The following MGST1 variants were observed in gnomAD, a reference collection of about 807,000 sequenced individuals.
The protein encoded by MGST1 is microsomal glutathione S-transferase 1, also known as glutathione S-transferase 12.
In MGST1, 5 loss-of-function variants were observed where a neutral mutation model predicts 8.9. That is an observed-to-expected ratio of 0.56 (90% CI 0.29 to 1.19). The LOEUF (loss-of-function observed/expected upper bound fraction) is 1.19. MGST1 is among the 50% of genes most tolerant of loss of function. The pLI is 0.08. For synonymous variants in MGST1, 54 were observed against 67.8 expected (o/e 0.80, Z 1.00); for missense variants, 182 against 187.4 (o/e 0.97, Z 0.17).
At position 16,544,031 on chromosome 12, in the gene MGST1, T is replaced by C. The variant is rs1420348064; in HGVS notation, n.483-45497T>C. On this transcript the variant is annotated intron_variant and non_coding_transcript_variant, in intron 4 of 4. Transcript: ENST00000538857. The surrounding 1 kb of genome is among the most constrained non-coding windows in gnomAD (Gnocchi z 4.8). The stretch of plus-strand genomic sequence containing the variant: ...TCCTAAGTGTAAGCAGGTGATTTCT[T>C]ATACTGCTGCTTTATACACATTTGT... Among the ~76,000 whole-genome samples, 1 of 152,138 alleles carries C rather than the reference T, an allele frequency of 6.6e-6. No homozygotes were observed. The highest frequency in any genetic ancestry group is 1.5e-5 in the Non-Finnish European group (1 of 67,990).
chr12:16,450,016 C>G (rs1020683548), intron 4 of MGST1, among the ~76,000 whole-genome samples: 1 of 151,836 alleles, frequency 6.6e-6, no homozygotes, highest in Non-Finnish European at 1.5e-5. Context: ...TCAAGAGTTC[C>G]CTGAGTAAAG....
chr12:16,474,401 A>G (rs1221610654), intron 4 of MGST1, among the ~76,000 whole-genome samples: 1 of 152,246 alleles, frequency 6.6e-6, no homozygotes. Context: ...CTAAAAAATT[A>G]GAGCAACATA....
intron 4 of MGST1, chr12:16,550,764 A>AAGTT (rs1286038398): frequency 2.0e-5 from 3 of 153,426 alleles, no homozygotes; most frequent in African/African-American, 7.2e-5. Context: ...CTTTACTAGA[A>AAGTT]AGTTACAGCT....
downstream of MGST1, chr12:16,364,515 C>A (rs946241819): frequency 1.1e-4 from 53 of 485,588 alleles, no homozygotes; most frequent in African/African-American, 1.1e-3. The surrounding 1 kb of genome is among the most constrained non-coding windows in gnomAD (Gnocchi z 5.7). Context: ...TGCTTAGAAT[C>A]GCCAGTTGTT....
chr12:16,377,824 T>G (rs1591711534), downstream of MGST1, among the ~76,000 whole-genome samples: 3 of 150,666 alleles, frequency 2.0e-5, no homozygotes, highest in African/African-American at 4.9e-5. Flanking sequence ...CCTGACTTTC[T>G]AATGATCGCC....
downstream of MGST1, among the ~76,000 whole-genome samples, chr12:16,440,869 A>C (rs1273053984): frequency 2.0e-5 from 3 of 151,876 alleles, no homozygotes; most frequent in Admixed American, 2.0e-4. Flanking sequence ...TCTCCAGATC[A>C]TTGCCAAAAA....
At chr12:16,436,270 C>T (rs1278865305) in intron 1 of MGST1, among the ~76,000 whole-genome samples, 3 of 151,882 alleles carry the variant, frequency 2.0e-5, no homozygotes, top group Admixed American at 1.3e-4. Context: ...AGGTACTGTG[C>T]GTGATAAAAC....
chr12:16,572,389 TTTAA>T (rs768104594), intron 4 of MGST1, among the ~76,000 whole-genome samples: 18 of 138,420 alleles, frequency 1.3e-4, no homozygotes, highest in East Asian at 8.6e-4. Context: ...CAGTGCTGAC[TTTAA>T]TTAACGATTT....
chr12:16,452,599 G>T (rs935500405), intron 4 of MGST1, among the ~76,000 whole-genome samples: 1 of 151,794 alleles, frequency 6.6e-6, no homozygotes, highest in Non-Finnish European at 1.5e-5. Flanking sequence ...CAAGTACTGT[G>T]TTAAGTATCT....
chr12:16,501,248 T>A (rs1941504835), intron 4 of MGST1, among the ~76,000 whole-genome samples: 1 of 152,216 alleles, frequency 6.6e-6, no homozygotes, highest in Non-Finnish European at 1.5e-5. Context: ...GGAGTAGGTT[T>A]CTAAAGCACT....
intron 4 of MGST1, among the ~76,000 whole-genome samples, chr12:16,487,533 T>C (rs1326450902): frequency 6.6e-6 from 1 of 152,006 alleles, no homozygotes; most frequent in South Asian, 2.1e-4. Flanking sequence ...TAAAGAAATA[T>C]GGAGGGAGAT....
intron 1 of MGST1, among the ~76,000 whole-genome samples, chr12:16,394,596 C>A: frequency 7.6e-6 from 1 of 130,786 alleles, no homozygotes; most frequent in Non-Finnish European, 1.7e-5. Context: ...TCTCTTTTTT[C>A]TTTTCTTTTC....
At chr12:16,402,501 C>A in intron 1 of MGST1, 2 of 1,228,214 alleles carry the variant, frequency 1.6e-6, no homozygotes, top group Non-Finnish European at 2.4e-6. Flanking sequence ...CCCAGGAATC[C>A]CGCACTCTTA....
chr12:16,396,356 T>C (rs1214222728), intron 1 of MGST1, among the ~76,000 whole-genome samples: 1 of 152,192 alleles, frequency 6.6e-6, no homozygotes, highest in Non-Finnish European at 1.5e-5. Flanking sequence ...GTTGAAAGCA[T>C]TCCCTCTGAG....
At chr12:16,382,153 C>G (rs1940462496), downstream of MGST1, among the ~76,000 whole-genome samples, 1 of 152,342 alleles carries the variant, frequency 6.6e-6, no homozygotes. Flanking sequence ...AAGTCATTCT[C>G]TGTCCCGCTT....
intron 4 of MGST1, among the ~76,000 whole-genome samples, chr12:16,444,578 A>G (rs1015859918): frequency 5.9e-5 from 9 of 151,910 alleles, no homozygotes; most frequent in Non-Finnish European, 8.8e-5. Flanking sequence ...ATCCTCACAT[A>G]CAAAGTCAGT....
intron 4 of MGST1, among the ~76,000 whole-genome samples, chr12:16,449,531 T>G (rs895894608): frequency 6.6e-6 from 1 of 151,906 alleles, no homozygotes; most frequent in Non-Finnish European, 1.5e-5. Context: ...TGTTTCATAG[T>G]TAGTGAAAGG....
At chr12:16,460,387 G>A (rs1244203840) in intron 4 of MGST1, among the ~76,000 whole-genome samples, 1 of 152,074 alleles carries the variant, frequency 6.6e-6, no homozygotes, top group Non-Finnish European at 1.5e-5. Context: ...GTTCACGGAA[G>A]GCCAAGGTGA....
downstream of MGST1, among the ~76,000 whole-genome samples, chr12:16,589,761 G>A (rs1190226775): frequency 6.6e-6 from 1 of 152,012 alleles, no homozygotes; most frequent in Non-Finnish European, 1.5e-5. This position sits in a 1 kb window ranked among gnomAD's most constrained non-coding sequence, Gnocchi z 4.2. Context: ...AAGTGATTAG[G>A]AATATAGGTT....
Sources: gnomAD v4.1 joint callset for allele counts (sites outside exome capture counted in the v4.1 genomes callset) on GRCh38, gnomAD v4.1.1 for gene constraint, Gnocchi (gnomAD v3.1) non-coding constraint, MANE v1.5 for transcripts, NCBI Gene and HGNC (gene_info 2026-07-23, HGNC 2026-07-21) for gene names.